Variants in NHSL2 observed in about 807,000 individuals in gnomAD.
The protein encoded by NHSL2 is NHS-like protein 2.
In NHSL2, 27 loss-of-function variants were observed where a neutral mutation model predicts 53.4. That is an observed-to-expected ratio of 0.51 (90% CI 0.37 to 0.70). NHSL2 has a LOEUF of 0.70. Among genes scored for constraint, NHSL2 ranks in the 30% least tolerant of loss-of-function variants. The pLI, the probability that NHSL2 is intolerant of heterozygous loss-of-function variation, is 0.00. For synonymous variants in NHSL2, 408 were observed against 404.1 expected (o/e 1.01, Z -0.12); for missense variants, 892 against 980.1 (o/e 0.91, Z 1.20).
intron 1 of NHSL2, among the ~76,000 whole-genome samples, chrX:71,933,179 G>T (rs1388396152): frequency 9.1e-6 from 1 of 110,459 alleles, no homozygotes; most frequent in Non-Finnish European, 1.9e-5. Context: ...TGTAAACCTG[G>T]ATTTGTTGTT....
At chrX:72,088,273 T>C (rs1442109952) in intron 1 of NHSL2, among the ~76,000 whole-genome samples, 1 of 112,230 alleles carries the variant, frequency 8.9e-6, no homozygotes, top group Non-Finnish European at 1.9e-5. Context: ...TACAGAGTAA[T>C]ATAACGGTAA....
At chrX:71,956,474 G>A (rs1243776986) in intron 1 of NHSL2, among the ~76,000 whole-genome samples, 1 of 111,724 alleles carries the variant, frequency 9.0e-6, no homozygotes, top group Non-Finnish European at 1.9e-5. Flanking sequence ...AAATGGGATA[G>A]TTGGACAAAA....
At position 71,928,520 on chromosome X, in the gene NHSL2, A is replaced by G. The variant is rs1475445974; in HGVS notation, c.280+17153A>G. Among the ~76,000 whole-genome samples, 4 of 112,167 alleles carry G rather than the reference A, an allele frequency of 3.6e-5. No individual in the cohort carries two copies. In the East Asian group the frequency reaches 8.4e-4, roughly 24 times the overall value. On this transcript the variant is annotated intron_variant, in intron 1 of 7. Coordinates refer to ENST00000633930, the MANE Select transcript of NHSL2 (RefSeq NM_001013627.3). Reference sequence around the variant, plus strand: ...TTTGGACTGGATCCTTGATGGACATACAGAGTGTGCCCTGGGCAAGGGGAG... The same window carrying G: ...TTTGGACTGGATCCTTGATGGACATGCAGAGTGTGCCCTGGGCAAGGGGAG...
chrX:72,090,429 A>G (rs2041886158), intron 1 of NHSL2, among the ~76,000 whole-genome samples: 1 of 111,733 alleles, frequency 8.9e-6, no homozygotes, highest in Non-Finnish European at 1.9e-5. Flanking sequence ...TTAAAACTTA[A>G]TATGTCTATG....
rs946002470 is a variant in NHSL2 at position 72,144,373 on chromosome X, A to G, written c.*799A>G. Reference sequence around the variant, plus strand: ...CTCAGATCTAGCCGAGGTAACTCACAAGTGCACCTTGAGATCCTCCATGTG... The same window carrying G: ...CTCAGATCTAGCCGAGGTAACTCACGAGTGCACCTTGAGATCCTCCATGTG... On this transcript the variant is annotated 3_prime_UTR_variant, in exon 8 of 8. Transcript: ENST00000633930. 5.3e-6 allele frequency: 2 copies of G among 379,301 alleles called. No homozygotes were observed. The highest frequency in any genetic ancestry group is 6.6e-5 in the Admixed American group (2 of 30,300). 31.3% of individuals were successfully genotyped at this position (379,301 alleles called of 1,213,427 possible). A position where few individuals can be genotyped will look rare whatever the true frequency, so the allele number is the denominator to read the frequency against.
intron 1 of NHSL2, among the ~76,000 whole-genome samples, chrX:72,040,799 G>A (rs1399004614): frequency 1.8e-5 from 2 of 112,043 alleles, no homozygotes; most frequent in African/African-American, 3.3e-5. Context: ...ATAACTCCCT[G>A]TTCATCCCTT....
Position 72,019,642 on chromosome X carries a change from G to C in NHSL2, c.280+108275G>C, listed in dbSNP as rs150871735. On this transcript the variant is annotated intron_variant, in intron 1 of 7. Transcript: ENST00000633930. ...CACAAGATTCTGTGCTGTTTGAACC[G>C]AGTCTTGAAGGAAGGGTTGGGATTA... 4.1e-3 allele frequency among the ~76,000 whole-genome samples: 457 copies of C among 111,758 alleles called. 3 individuals are homozygous for C. Among genetic ancestry groups the C allele is most frequent in the African/African-American group, 0.014 (432 of 30,694 alleles).
At chrX:72,042,000 C>T (rs1021092901) in intron 1 of NHSL2, among the ~76,000 whole-genome samples, 1 of 112,178 alleles carries the variant, frequency 8.9e-6, no homozygotes, top group Non-Finnish European at 1.9e-5. Flanking sequence ...CTGGGTTTCC[C>T]TACAAGGTCT....
intron 1 of NHSL2, among the ~76,000 whole-genome samples, chrX:71,980,447 C>T (rs1398161846): frequency 2.7e-5 from 3 of 110,799 alleles, no homozygotes; most frequent in Non-Finnish European, 5.7e-5. Flanking sequence ...TTGTTGGGCT[C>T]ACATCTTGCC....
At chrX:72,142,090 C>T in intron 6 of NHSL2, 142 bp from the exon 7 acceptor site, 1 of 437,537 alleles carries the variant, frequency 2.3e-6, no homozygotes, top group Non-Finnish European at 3.9e-6. Context: ...CATATTCCTC[C>T]TCTGCAAAAT....
chrX:71,930,803 T>C (rs760413363), intron 1 of NHSL2, among the ~76,000 whole-genome samples: 34 of 112,674 alleles, frequency 3.0e-4, no homozygotes, highest in African/African-American at 1.0e-3. Flanking sequence ...TTGAAGAGTA[T>C]GTTTCTATGG....
chrX:72,005,224 C>T (rs1350556503), intron 1 of NHSL2, among the ~76,000 whole-genome samples: 2 of 112,436 alleles, frequency 1.8e-5, no homozygotes, highest in Non-Finnish European at 3.8e-5. Context: ...GCCTTGGTTT[C>T]CCAAAGTGCA....
rs898312196 is a variant in NHSL2 at position 72,101,198 on chromosome X, C to T, written c.281-30881C>T. 7.2e-5 allele frequency among the ~76,000 whole-genome samples: 8 copies of T among 110,940 alleles called. No homozygotes were observed. In the East Asian group the frequency reaches 1.1e-3, roughly 16 times the overall value. On this transcript the variant is annotated intron_variant, in intron 1 of 7. Transcript: ENST00000633930. ...GCCCCAGAGCCACTGTGCTCCTGGG[C>T]GGCAGTGGTGACAGCCATGGCGGCA...
At chrX:72,058,308 C>T (rs2042380306) in intron 1 of NHSL2, among the ~76,000 whole-genome samples, 1 of 112,101 alleles carries the variant, frequency 8.9e-6, no homozygotes, top group Non-Finnish European at 1.9e-5. Flanking sequence ...GTTTCTGGCA[C>T]CAGGGGCTTG....
intron 1 of NHSL2, among the ~76,000 whole-genome samples, chrX:71,927,617 C>T (rs2041692327): frequency 9.1e-6 from 1 of 110,061 alleles, no homozygotes; most frequent in Non-Finnish European, 1.9e-5. Flanking sequence ...AGGGCAGCAG[C>T]GCAATCTCAG....
At chrX:72,067,661 T>C (rs1316416298) in intron 1 of NHSL2, among the ~76,000 whole-genome samples, 3 of 112,371 alleles carry the variant, frequency 2.7e-5, no homozygotes, top group Non-Finnish European at 5.6e-5. Flanking sequence ...CCCAAGATGC[T>C]TCACTTCTGG....
chrX:72,126,300 G>A (rs922489037), intron 1 of NHSL2, among the ~76,000 whole-genome samples: 8 of 111,286 alleles, frequency 7.2e-5, no homozygotes, highest in African/African-American at 2.6e-4. Context: ...AGACAGCAGG[G>A]CCAGCGGAGT....
At position 72,144,594 on chromosome X, in the gene NHSL2, G is replaced by T; in HGVS notation, c.*1020G>T. 5.1e-6 allele frequency: 5 copies of T among 983,543 alleles called. No individual in the cohort carries two copies. The highest frequency in any genetic ancestry group is 6.8e-6 in the Non-Finnish European group (5 of 739,425). The allele number at this position is 983,543 out of a possible 1,213,427, so 81.1% of individuals were successfully genotyped here. On this transcript the variant is annotated 3_prime_UTR_variant, in exon 8 of 8. Coordinates refer to ENST00000633930, the MANE Select transcript of NHSL2 (RefSeq NM_001013627.3). ...TCAGATCGTGGTTTGTGGTTGGTTT[G>T]GTTTTGTTTAAAGGAAGTCCGACTC... is the stretch of plus-strand genomic sequence containing the variant.
intron 1 of NHSL2, among the ~76,000 whole-genome samples, chrX:72,091,121 G>T (rs2041893503): frequency 8.9e-6 from 1 of 112,070 alleles, no homozygotes; most frequent in Non-Finnish European, 1.9e-5. Flanking sequence ...ATACTGGAAA[G>T]AAGTGGAATT....
Sources: allele counts gnomAD v4.1 joint callset (sites outside exome capture counted in the v4.1 genomes callset), GRCh38; gene constraint gnomAD v4.1.1; transcripts MANE v1.5; gene names NCBI Gene and HGNC (gene_info 2026-07-23, HGNC 2026-07-21).